STIMATE: variants seen among roughly 807,000 people sequenced by gnomAD.
STIMATE encodes the protein STIM activating enhancer, also known as store-operated calcium entry regulator STIMATE.
STIMATE carries 15 observed loss-of-function variants against 36.7 expected under a neutral mutation model. That is an observed-to-expected ratio of 0.41 (90% CI 0.27 to 0.63). STIMATE has a LOEUF of 0.63. Among genes scored for constraint, STIMATE ranks in the 20% least tolerant of loss-of-function variants. The pLI is 0.32. For synonymous variants in STIMATE, 163 were observed against 162.3 expected (o/e 1.00, Z -0.03); for missense variants, 305 against 397.3 (o/e 0.77, Z 1.98).
At chr3:52,891,813 C>T (rs1210777701) in intron 1 of STIMATE, among the ~76,000 whole-genome samples, 1 of 152,120 alleles carries the variant, frequency 6.6e-6, no homozygotes, top group Non-Finnish European at 1.5e-5. Context: ...CATTTTTCAG[C>T]CCAACTCATG....
At chr3:52,864,428 A>G (rs989271398) in intron 1 of STIMATE, among the ~76,000 whole-genome samples, 6 of 152,170 alleles carry the variant, frequency 3.9e-5, no homozygotes, top group Non-Finnish European at 8.8e-5. Flanking sequence ...CATATAGCAC[A>G]GGGACCTGAC....
intron 1 of STIMATE, among the ~76,000 whole-genome samples, chr3:52,891,053 A>C (rs1701774394): frequency 6.7e-6 from 1 of 149,202 alleles, no homozygotes; most frequent in Admixed American, 6.7e-5. Context: ...TAATGTTATC[A>C]ACAGTCAAAA....
At chr3:52,866,797 G>GT (rs1490675470) in intron 1 of STIMATE, among the ~76,000 whole-genome samples, 1 of 152,232 alleles carries the variant, frequency 6.6e-6, no homozygotes, top group Non-Finnish European at 1.5e-5. Context: ...GAGTGGTAGA[G>GT]TAACAAGTCA....
intron 1 of STIMATE, among the ~76,000 whole-genome samples, chr3:52,859,987 G>T (rs1392308211): frequency 6.6e-6 from 1 of 151,018 alleles, no homozygotes; most frequent in African/African-American, 2.4e-5. Flanking sequence ...GCAGAAGTGT[G>T]GGGCTGTGGG....
chr3:52,854,667 G>T (rs995893693), intron 2 of STIMATE, among the ~76,000 whole-genome samples: 17 of 152,348 alleles, frequency 1.1e-4, no homozygotes, highest in Middle Eastern at 3.4e-3. Flanking sequence ...CCTTAGCGGG[G>T]AAGTGGGGGT....
At position 52,843,801 on chromosome 3, in the gene STIMATE, G is replaced by C; in HGVS notation, c.541-3C>G. 1 of 1,530,898 alleles carries C rather than the reference G, an allele frequency of 6.5e-7. No individual in the cohort carries two copies. Among genetic ancestry groups the C allele is most frequent in the Non-Finnish European group, 8.9e-7 (1 of 1,127,116 alleles). The allele number at this position is 1,530,898 out of a possible 1,614,324, so 94.8% of individuals were successfully genotyped here. A position where few individuals can be genotyped will look rare whatever the true frequency, so the allele number is the denominator to read the frequency against. ...TCAATGGGATTCAACAGGGCCACCT[G>C]TAAAGAGAAGCAGACTCAGTGAGGT... On this transcript the variant is annotated splice_polypyrimidine_tract_variant and splice_region_variant and intron_variant, in intron 5 of 7. Transcript: ENST00000355083.
Position 52,840,304 on chromosome 3 carries a change from T to C in STIMATE, c.*190A>G. On this transcript the variant is annotated 3_prime_UTR_variant, in exon 8 of 8. Transcript: ENST00000355083. Reference sequence around the variant, plus strand: ...GGACCTCCAGCCGCCAGTGGCCCCCTCGGGCGCTGGCTCCTCTTCCCTCTT... The same window carrying C: ...GGACCTCCAGCCGCCAGTGGCCCCCCCGGGCGCTGGCTCCTCTTCCCTCTT... 1.7e-6 allele frequency: 1 copy of C among 602,578 alleles called. No individual in the cohort carries two copies. The highest frequency in any genetic ancestry group is 2.4e-5 in the South Asian group (1 of 41,674). The allele number at this position is 602,578 out of a possible 1,614,324, so 37.3% of individuals were successfully genotyped here.
rs146006971 is a variant in STIMATE at position 52,888,403 on chromosome 3, C to T, written c.160+8888G>A. 7.2e-3 allele frequency among the ~76,000 whole-genome samples: 1,091 copies of T among 152,322 alleles called. 113 individuals carry two copies. The South Asian group carries it at 0.2, about 28-fold the overall frequency. On this transcript the variant is annotated intron_variant, in intron 1 of 7. Coordinates refer to ENST00000355083, the MANE Select transcript of STIMATE (RefSeq NM_198563.5). The stretch of plus-strand genomic sequence containing the variant: ...TAAACTGAGTGCAGAGAGCCCTGCT[C>T]GATGTAACCACCTGCAGATATTTTT...
intron 1 of STIMATE, among the ~76,000 whole-genome samples, chr3:52,858,967 T>C (rs1016658028): frequency 6.6e-6 from 1 of 152,034 alleles, no homozygotes; most frequent in African/African-American, 2.4e-5. Flanking sequence ...AAGACCAGCC[T>C]GGTCAACAAG....
At chr3:52,875,195 C>A (rs546071340) in intron 1 of STIMATE, among the ~76,000 whole-genome samples, 4 of 152,312 alleles carry the variant, frequency 2.6e-5, no homozygotes, top group African/African-American at 9.6e-5. Context: ...AGTTTCACTA[C>A]CTCTTAAAAA....
At chr3:52,853,194 T>G (rs901943791) in intron 2 of STIMATE, among the ~76,000 whole-genome samples, 4 of 152,208 alleles carry the variant, frequency 2.6e-5, no homozygotes, top group Non-Finnish European at 5.9e-5. Flanking sequence ...ATTTGAGGTT[T>G]TGTGCGCCAT....
intron 1 of STIMATE, among the ~76,000 whole-genome samples, chr3:52,896,212 C>T (rs543054608): frequency 1.3e-5 from 2 of 152,296 alleles, no homozygotes; most frequent in South Asian, 2.1e-4. Flanking sequence ...AAGACAAAGG[C>T]ACACAGCTGC....
chr3:52,855,344 C>T (rs1290589758), intron 2 of STIMATE, 52 bp downstream of exon 2: 2 of 1,412,486 alleles, frequency 1.4e-6, no homozygotes, highest in South Asian at 1.2e-5. Flanking sequence ...AGCCCCAAGA[C>T]CCCCAACATA....
chr3:52,842,172 C>T (rs1263087296), intron 7 of STIMATE, among the ~76,000 whole-genome samples: 2 of 152,254 alleles, frequency 1.3e-5, no homozygotes, highest in Non-Finnish European at 2.9e-5. Flanking sequence ...GCAGCTCCCA[C>T]CTGCACACTT....
In STIMATE at chr3:52,857,105, G is replaced by A. The variant is rs186633259; in HGVS notation, c.161-1661C>T. Among the ~76,000 whole-genome samples the A allele has an allele frequency of 7.4e-3, 1,124 of 152,314 alleles. 120 individuals carry two copies. In the South Asian group the frequency reaches 0.21, roughly 28 times the overall value. On this transcript the variant is annotated intron_variant, in intron 1 of 7. Coordinates refer to ENST00000355083, the MANE Select transcript of STIMATE (RefSeq NM_198563.5). ...GGAGGAGAAGGGAGACAGGGAAGGA[G>A]AAAATGGTAGCCAAGACAGTAAACC...
chr3:52,855,819 T>C (rs960118676), intron 1 of STIMATE, among the ~76,000 whole-genome samples: 1 of 152,188 alleles, frequency 6.6e-6, no homozygotes, highest in Admixed American at 6.5e-5. Flanking sequence ...ACTCAAACGT[T>C]TACTGAGTGC....
At position 52,840,538 on chromosome 3, in the gene STIMATE, T is replaced by C. The variant is rs1379392191; in HGVS notation, c.841A>G (p.Lys281Glu). Residue 281 changes from lysine to glutamate, a missense_variant, in exon 8 of 8, where the codon AAG becomes GAG. Lys to Glu is a moderately conservative substitution (Grantham distance 56). Coordinates refer to ENST00000355083, the MANE Select transcript of STIMATE (RefSeq NM_198563.5). ...EEDLRRLTPL[K>E]PVKKKKHRFG... ...CGGTGCTTCTTTTTCTTCACAGGCT[T>C]GAGGGGGGTCAGTCTGCGGAGGTCC... 2 of 1,614,054 alleles carry C rather than the reference T, an allele frequency of 1.2e-6. No individual in the cohort carries two copies. Among genetic ancestry groups the C allele is most frequent in the South Asian group, 1.1e-5 (1 of 91,072 alleles).
chr3:52,840,506 C>T lies in STIMATE; in HGVS notation c.873G>A (p.Gly291=). 1 of 1,614,110 alleles carries T rather than the reference C, an allele frequency of 6.2e-7. No homozygotes were observed. The highest frequency in any genetic ancestry group is 8.5e-7 in the Non-Finnish European group (1 of 1,179,972). The change falls in exon 8 of 8, where the codon GGG becomes GGA. Residue 291 remains glycine, a synonymous_variant. Transcript: ENST00000355083. ...KPVKKKKHRF[G]LPV ...GCATGGGAATGTGTCATACGGGTAGCCCAAAGCGGTGCTTCTTTTTCTTCA... is the reference window on the plus strand; with the variant it reads ...GCATGGGAATGTGTCATACGGGTAGTCCAAAGCGGTGCTTCTTTTTCTTCA...
At chr3:52,886,583 T>C (rs1357636889) in intron 1 of STIMATE, among the ~76,000 whole-genome samples, 3 of 152,196 alleles carry the variant, frequency 2.0e-5, no homozygotes, top group Non-Finnish European at 4.4e-5. Context: ...AGTTACCAGA[T>C]CAAAAACTGG....
Sources: allele counts gnomAD v4.1 joint callset (sites outside exome capture counted in the v4.1 genomes callset), GRCh38; gene constraint gnomAD v4.1.1; transcripts MANE v1.5; gene names NCBI Gene and HGNC (gene_info 2026-07-23, HGNC 2026-07-21).